The following COL18A1 variants were observed in gnomAD, a reference collection of about 807,000 sequenced individuals.
The protein encoded by COL18A1 is collagen alpha-1(XVIII) chain.
In COL18A1, 133 loss-of-function variants were observed where a neutral mutation model predicts 168.0. The ratio of observed to expected loss-of-function variants is 0.79; its 90% CI spans 0.69 to 0.91. The LOEUF (loss-of-function observed/expected upper bound fraction) is 0.91. Ranked by LOEUF, COL18A1 falls within the 40% of genes least tolerant of loss-of-function variation. The pLI is 0.00. For missense variants in COL18A1, 2,126 were observed against 1,925.4 expected (o/e 1.10, Z -1.95); for synonymous variants, 949 against 809.0 (o/e 1.17, Z -2.94).
intron 32 of COL18A1, chr21:45,502,897 C>G (rs2036938825): frequency 6.6e-6 from 1 of 152,220 alleles, no homozygotes; most frequent in South Asian, 2.1e-4. Context: ...TGCAGGTGAA[C>G]TCTCAGGATG....
intron 17 of COL18A1, among the ~76,000 whole-genome samples, chr21:45,487,803 G>A (rs1405670839): frequency 6.6e-6 from 1 of 152,222 alleles, no homozygotes; most frequent in African/African-American, 2.4e-5. Context: ...CCTTTCTGGG[G>A]AAATTCAAGT....
At chr21:45,422,912 C>T (rs191617438) in intron 2 of COL18A1, among the ~76,000 whole-genome samples, 108 of 152,188 alleles carry the variant, frequency 7.1e-4, no homozygotes, top group Non-Finnish European at 1.4e-3. Flanking sequence ...CTCAGCCTCC[C>T]GAGTAGCTGG....
chr21:45,442,664 C>T lies in COL18A1; in HGVS notation c.107-25578C>T, dbSNP rs1461008667. ...GTGTGGGCAGCGGTGCTGGTGTGGG[C>T]GGCGGTCCTGGTGTGGGCGGTGGTG... On this transcript the variant is annotated intron_variant, in intron 2 of 41. Transcript: ENST00000651438. Among the ~76,000 whole-genome samples, 398 of 108,118 alleles carry T rather than the reference C, an allele frequency of 3.7e-3. 1 individual carries two copies. Among genetic ancestry groups the T allele is most frequent in the Non-Finnish European group, 6.1e-3 (324 of 53,400 alleles). 70.9% of individuals were successfully genotyped at this position (108,118 alleles called of 152,430 possible).
chr21:45,475,630 C>T, intron 5 of COL18A1, 95 bp downstream of exon 5: 1 of 1,048,064 alleles, frequency 9.5e-7, no homozygotes, highest in South Asian at 1.3e-5. Flanking sequence ...AGGTGTGGCT[C>T]CAAGAGCTCC....
chr21:45,478,329 C>G lies in COL18A1; in HGVS notation c.1224C>G (p.Gly408=), dbSNP rs13046486. The G allele has an allele frequency of 0.1, 162,277 of 1,613,712 alleles. 8,809 individuals carry two copies. The highest frequency in any genetic ancestry group is 0.11 in the Non-Finnish European group (131,787 of 1,179,772). The change falls in exon 9 of 42, where the codon GGC becomes GGG. Residue 408 remains glycine (G), a splice_region_variant and synonymous_variant. Coordinates refer to ENST00000651438, the MANE Select transcript of COL18A1 (RefSeq NM_001379500.1). ...DGTPGRDGEP[G]DPGEDGKPGD... is the part of the protein sequence containing the mutation. ...AATGGCTTCTCTTGCACACCCAGGG[C>G]GACCCCGGTGAAGACGGAAAGCCGG...
Position 45,452,750 on chromosome 21 carries a change from GAT to G in COL18A1, c.107-15491_107-15490del, listed in dbSNP as rs1209220231. Among the ~76,000 whole-genome samples, 241 of 151,376 alleles carry G rather than the reference GAT, an allele frequency of 1.6e-3. 1 individual carries two copies. Among genetic ancestry groups the G allele is most frequent in the African/African-American group, 5.7e-3 (234 of 41,106 alleles). ...GACGTGTGAGCATATATGTACGTGT[GAT>G]TGTGTATGCATGTGAGTATTCACTG... is the stretch of plus-strand genomic sequence containing the variant. On this transcript the variant is annotated intron_variant, in intron 2 of 41. Transcript: ENST00000651438.
chr21:45,443,366 C>T lies in COL18A1; in HGVS notation c.107-24876C>T, dbSNP rs565971666. Among the ~76,000 whole-genome samples, 128 of 152,280 alleles carry T rather than the reference C, an allele frequency of 8.4e-4. No individual in the cohort carries two copies. Among genetic ancestry groups the T allele is most frequent in the Non-Finnish European group, 1.4e-3 (98 of 68,000 alleles). ...TGAGAAAACCCAGTTAAGGAGCAAC[C>T]TGGTAAACCCTTGAAAACCAAGTGG... On this transcript the variant is annotated intron_variant, in intron 2 of 41. Transcript: ENST00000651438. This position sits in a 1 kb window ranked among gnomAD's most constrained non-coding sequence, Gnocchi z 5.2.
At chr21:45,459,526 C>T (rs2034970213) in intron 2 of COL18A1, among the ~76,000 whole-genome samples, 1 of 152,238 alleles carries the variant, frequency 6.6e-6, no homozygotes, top group African/African-American at 2.4e-5. Flanking sequence ...CTGGGCACTG[C>T]CCTGTGTGTC....
chr21:45,513,325 G>A lies in COL18A1; in HGVS notation c.*927G>A, dbSNP rs534371568. On this transcript the variant is annotated 3_prime_UTR_variant, in exon 42 of 42. Coordinates refer to ENST00000651438, the MANE Select transcript of COL18A1 (RefSeq NM_001379500.1). ...TGCGGTAGCCAGCACACAGGGCAGT[G>A]AGGGAGGGCTGTCATCTGTGCACTG... The A allele has an allele frequency of 6.6e-6, 1 of 152,464 alleles. No homozygotes were observed. Among genetic ancestry groups the A allele is most frequent in the South Asian group, 2.1e-4 (1 of 4,828 alleles). 9.4% of individuals were successfully genotyped at this position (152,464 alleles called of 1,614,324 possible).
intron 40 of COL18A1, among the ~76,000 whole-genome samples, chr21:45,510,685 G>T (rs2037527271): frequency 6.6e-6 from 1 of 152,184 alleles, no homozygotes; most frequent in Non-Finnish European, 1.5e-5. Flanking sequence ...TTATTCTGTG[G>T]CCCCTTTTCG....
intron 2 of COL18A1, among the ~76,000 whole-genome samples, chr21:45,406,780 A>G (rs538985418): frequency 6.6e-6 from 1 of 152,382 alleles, no homozygotes; most frequent in South Asian, 2.1e-4. Flanking sequence ...ATCAAGGAGG[A>G]GATGTAAAAG....
chr21:45,492,459 T>TC, intron 22 of COL18A1, 76 bp from the exon 23 acceptor site: 1 of 1,545,130 alleles, frequency 6.5e-7, no homozygotes, highest in Non-Finnish European at 8.9e-7. Context: ...GTTTTGTTGA[T>TC]CTGTAAGTCG....
At chr21:45,450,796 C>T (rs1979392649) in intron 2 of COL18A1, among the ~76,000 whole-genome samples, 1 of 152,222 alleles carries the variant, frequency 6.6e-6, no homozygotes, top group African/African-American at 2.4e-5. Context: ...GCATCTCAGG[C>T]CTCCCTCCCG....
intron 2 of COL18A1, among the ~76,000 whole-genome samples, chr21:45,449,782 C>T (rs939311836): frequency 1.3e-5 from 2 of 152,306 alleles, no homozygotes; most frequent in East Asian, 1.9e-4. Flanking sequence ...CTGCAGGTGG[C>T]GGCAGCTGGT....
In COL18A1 at chr21:45,505,914, C is replaced by A. The variant is rs1381075026; in HGVS notation, c.3164C>A (p.Ala1055Asp). 3 of 1,612,962 alleles carry A rather than the reference C, an allele frequency of 1.9e-6. No individual in the cohort carries two copies. The highest frequency in any genetic ancestry group is 1.3e-5 in the African/African-American group (1 of 74,918). ...CCCGAGGGCTGGCTCATCTTCGTGG[C>A]CGAGCAGGAGGAGCTCTACGTCCGC... The part of the protein sequence containing the change: ...EVPEGWLIFV[A>D]EQEELYVRVQ... Residue 1055 changes from alanine to aspartate, a missense_variant, in exon 37 of 42, where the codon GCC becomes GAC. Coordinates refer to ENST00000651438, the MANE Select transcript of COL18A1 (RefSeq NM_001379500.1).
chr21:45,480,215 T>C, intron 11 of COL18A1, 59 bp downstream of exon 11: 4 of 1,170,314 alleles, frequency 3.4e-6, no homozygotes, highest in African/African-American at 3.1e-5. Context: ...AAGCAGGCAC[T>C]GCCTCTGGCC....
At chr21:45,482,177 C>T (rs903477851) in intron 14 of COL18A1, 152 bp downstream of exon 14, 8 of 666,314 alleles carry the variant, frequency 1.2e-5, no homozygotes, top group African/African-American at 5.4e-5. Flanking sequence ...CTCTGGAGGT[C>T]ACCCTGACCT....
intron 32 of COL18A1, among the ~76,000 whole-genome samples, chr21:45,500,128 TGTGG>T (rs1274041575): frequency 2.2e-5 from 3 of 136,430 alleles, no homozygotes; most frequent in African/African-American, 8.3e-5. Context: ...AGTGTGGGGG[TGTGG>T]GTGGAGTGTG....
intron 39 of COL18A1, among the ~76,000 whole-genome samples, chr21:45,509,863 C>T (rs2037469408): frequency 6.6e-6 from 1 of 152,222 alleles, no homozygotes; most frequent in Admixed American, 6.5e-5. Flanking sequence ...CTGGGGGCAC[C>T]CACGTGGCCC....
Sources: gnomAD v4.1 joint callset for allele counts (sites outside exome capture counted in the v4.1 genomes callset) on GRCh38, gnomAD v4.1.1 for gene constraint, Gnocchi (gnomAD v3.1) non-coding constraint, MANE v1.5 for transcripts, NCBI Gene and HGNC (gene_info 2026-07-23, HGNC 2026-07-21) for gene names.